AKNAD1: variants seen among roughly 807,000 people sequenced by gnomAD.
The protein encoded by AKNAD1 is protein AKNAD1.
Under a neutral mutation model 90.8 loss-of-function variants are expected in AKNAD1, and 67 were observed. The observed-to-expected ratio is 0.74, with a 90% confidence interval of 0.61 to 0.90. AKNAD1 has a LOEUF of 0.90. Among genes scored for constraint, AKNAD1 ranks in the 40% least tolerant of loss-of-function variants. The pLI is 0.00. For missense variants in AKNAD1, 957 were observed against 975.4 expected, an observed-to-expected ratio of 0.98 and a Z score of 0.25; for synonymous variants, 327 against 341.4, an observed-to-expected ratio of 0.96 and a Z score of 0.46.
chr1:108,818,079 G>T (rs769494770), intron 14 of AKNAD1, among the ~76,000 whole-genome samples: 4 of 152,162 alleles, frequency 2.6e-5, no homozygotes, highest in Non-Finnish European at 5.9e-5. Flanking sequence ...GCAGAGCATG[G>T]CTCTAGGGGG....
rs576118869 is a variant in AKNAD1 at position 108,822,477 on chromosome 1, G to A, written c.2167+893C>T. 3.3e-5 allele frequency among the ~76,000 whole-genome samples: 5 copies of A among 152,306 alleles called. No homozygotes were observed. The South Asian group carries it at 8.3e-4, about 25-fold the overall frequency. On this transcript the variant is annotated intron_variant, in intron 13 of 15. Transcript: ENST00000370001. ...AGAAATCTGTCCTGTGGCTTCTCCA[G>A]TCTTAGTGACTGTCACTTCAAAAGA...
At chr1:108,848,231 A>T (rs1412888) in intron 5 of AKNAD1, among the ~76,000 whole-genome samples, 128,922 of 151,696 alleles carry the variant, frequency 0.85, 55,042 homozygotes, top group South Asian at 0.91. Context: ...CCCCCTTCCC[A>T]TGATCCTGGC....
rs745428995 is a variant in AKNAD1 at position 108,817,084 on chromosome 1, T to C, written c.2343A>G (p.Leu781=). The C allele has an allele frequency of 8.7e-6, 14 of 1,614,162 alleles. No individual in the cohort carries two copies. Among genetic ancestry groups the C allele is most frequent in the Admixed American group, 1.7e-5 (1 of 60,026 alleles). The change falls in exon 15 of 16, where the codon TTA becomes TTG. Residue 781 remains leucine (L), a synonymous_variant. Coordinates refer to ENST00000370001, the MANE Select transcript of AKNAD1 (RefSeq NM_152763.5). The stretch of plus-strand genomic sequence containing the variant: ...TTTCTTCAGTGCTATCAAAGTCACA[T>C]AAGGATTTGCTTCCAGAAATCCTGC... ...YSCRISGSKS[L]CDFDSTEEIK...
At chr1:108,822,459 T>C (rs936399414) in intron 13 of AKNAD1, among the ~76,000 whole-genome samples, 1 of 152,128 alleles carries the variant, frequency 6.6e-6, no homozygotes, top group Non-Finnish European at 1.5e-5. Flanking sequence ...TGAAGAAATC[T>C]GTCCTGTGGC....
chr1:108,844,377 C>CATATATATATATATATATATATAT (rs35559697), intron 5 of AKNAD1, among the ~76,000 whole-genome samples: 149 of 145,062 alleles, frequency 1.0e-3, no homozygotes, highest in Middle Eastern at 7.4e-3. Flanking sequence ...TCTCTCTCTC[C>CATATATATATATATATATATATAT]ATATATATAT....
chr1:108,817,757 G>T (rs1457330490), intron 14 of AKNAD1, among the ~76,000 whole-genome samples: 2 of 150,608 alleles, frequency 1.3e-5, no homozygotes, highest in South Asian at 2.1e-4. Flanking sequence ...CGCCCGCCTC[G>T]GCCTCCCAAA....
At chr1:108,837,064 C>T (rs955566973) in intron 7 of AKNAD1, 1 of 152,998 alleles carries the variant, frequency 6.5e-6, no homozygotes, top group African/African-American at 2.4e-5. Flanking sequence ...AACCCCATCT[C>T]TACCAAAAAT....
intron 5 of AKNAD1, 126 bp from the exon 6 acceptor site, chr1:108,843,393 G>T: frequency 8.2e-7 from 1 of 1,222,024 alleles, no homozygotes; most frequent in Non-Finnish European, 1.1e-6. Context: ...TCTCCCAGCA[G>T]CATAAATTGT....
chr1:108,843,061 A>C (rs1664598165), intron 6 of AKNAD1, 73 bp downstream of exon 6: 2 of 1,562,734 alleles, frequency 1.3e-6, no homozygotes, highest in East Asian at 4.5e-5. Flanking sequence ...CTAAGCCAGC[A>C]GCCACATCAG....
intron 1 of AKNAD1, among the ~76,000 whole-genome samples, chr1:108,855,895 T>C (rs1280665320): frequency 6.7e-6 from 1 of 149,472 alleles, no homozygotes; most frequent in African/African-American, 2.4e-5. Flanking sequence ...TTTTTTTTTT[T>C]AGACAAGGTC....
rs751167460 is a variant in AKNAD1, at chr1:108,843,207, C to T, written c.1306G>A (p.Asp436Asn). ...TGCTGCTGCAAAGTCAGATGCTTGT[C>T]CTTGGTGGCCAGAAAGTTCTGCTCC... ...LLEQNFLATK[D>N]KHLTLQQQVH... Residue 436 changes from aspartate to asparagine, a missense_variant, in exon 6 of 16, where the codon GAC (aspartate) becomes AAC (asparagine). Transcript: ENST00000370001. The T allele has an allele frequency of 2.0e-5, 32 of 1,614,076 alleles. No homozygotes were observed. Among genetic ancestry groups the T allele is most frequent in the Non-Finnish European group, 1.1e-5 (13 of 1,180,032 alleles).
intron 13 of AKNAD1, among the ~76,000 whole-genome samples, chr1:108,822,320 T>C (rs993621950): frequency 3.3e-5 from 5 of 152,180 alleles, no homozygotes; most frequent in African/African-American, 1.2e-4. Flanking sequence ...GCTGCCTCCT[T>C]ATGACTTCTA....
intron 13 of AKNAD1, among the ~76,000 whole-genome samples, chr1:108,822,421 G>A (rs1448319739): frequency 6.6e-6 from 1 of 152,180 alleles, no homozygotes; most frequent in East Asian, 1.9e-4. Context: ...AGTGTCACAG[G>A]CTGTAGACCT....
intron 14 of AKNAD1, chr1:108,817,497 A>ATTTTTTTTTTTTTTTTTTTTTTT (rs10681740): frequency 2.7e-4 from 16 of 60,346 alleles, no homozygotes; most frequent in East Asian, 1.1e-3. Flanking sequence ...TTTTTTTTTA[A>ATTTTTTTTTTTTTTTTTTTTTTT]TTTTTTTTTT....
intron 10 of AKNAD1, among the ~76,000 whole-genome samples, chr1:108,828,009 T>A (rs1664067489): frequency 6.6e-6 from 1 of 151,552 alleles, no homozygotes; most frequent in African/African-American, 2.4e-5. Flanking sequence ...CCCAGCACTT[T>A]GGGAGGCCAA....
chr1:108,823,180 C>T, intron 13 of AKNAD1, 190 bp downstream of exon 13: 1 of 720,900 alleles, frequency 1.4e-6, no homozygotes, highest in South Asian at 1.5e-5. Context: ...TTTCCAGCCC[C>T]AGCTCAGCCT....
At chr1:108,839,870 T>C (rs1664489201) in intron 6 of AKNAD1, among the ~76,000 whole-genome samples, 1 of 152,000 alleles carries the variant, frequency 6.6e-6, no homozygotes, top group Non-Finnish European at 1.5e-5. Flanking sequence ...AAAAAATTTT[T>C]TTTAATTAGC....
intron 15 of AKNAD1, 47 bp downstream of exon 15, chr1:108,817,001 A>C (rs770525231): frequency 2.8e-5 from 45 of 1,606,408 alleles, no homozygotes; most frequent in Non-Finnish European, 3.5e-5. Context: ...CATCAAGATC[A>C]AACTTACGAG....
At chr1:108,826,864 C>T (rs1263489028) in intron 11 of AKNAD1, among the ~76,000 whole-genome samples, 3 of 150,592 alleles carry the variant, frequency 2.0e-5, no homozygotes, top group Non-Finnish European at 3.0e-5. Context: ...CTTAGTCTCC[C>T]AAGTAGCTGG....
Sources: allele counts gnomAD v4.1 joint callset (sites outside exome capture counted in the v4.1 genomes callset), GRCh38; gene constraint gnomAD v4.1.1; transcripts MANE v1.5; gene names NCBI Gene and HGNC (gene_info 2026-07-23, HGNC 2026-07-21).